PPFIA1: variants seen among roughly 807,000 people sequenced by gnomAD.
PPFIA1 encodes liprin-alpha-1.
A neutral mutation model predicts 149.9 loss-of-function variants in PPFIA1; 25 were observed. The ratio of observed to expected loss-of-function variants is 0.17; its 90% CI spans 0.12 to 0.23. The LOEUF (loss-of-function observed/expected upper bound fraction) is 0.23, where lower values mean the gene tolerates loss of function less well. Ranked by LOEUF, PPFIA1 falls within the 10% of genes least tolerant of loss-of-function variation. The pLI is 1.00. For synonymous variants in PPFIA1, 549 were observed against 552.8 expected, an observed-to-expected ratio of 0.99 and a Z score of 0.10; for missense variants, 1,362 against 1,506.5, an observed-to-expected ratio of 0.90 and a Z score of 1.59.
chr11:70,379,988 C>G (rs1474441387), intron 26 of PPFIA1, among the ~76,000 whole-genome samples: 9 of 152,360 alleles, frequency 5.9e-5, no homozygotes. Flanking sequence ...CAAGCTCTGT[C>G]ACCTGGAGTC....
intron 23 of PPFIA1, chr11:70,374,586 A>G: frequency 4.2e-6 from 1 of 239,748 alleles, no homozygotes; most frequent in Non-Finnish European, 8.0e-6. Context: ...GCATGTTTAT[A>G]CATGTTAGGT....
intron 5 of PPFIA1, 38 bp downstream of exon 5, chr11:70,325,612 G>T (rs773651780): frequency 1.4e-6 from 2 of 1,434,032 alleles, no homozygotes; most frequent in Non-Finnish European, 2.0e-6. Flanking sequence ...AATTGGGGGG[G>T]GGTTATTTTT....
chr11:70,378,277 C>T (rs188295654), intron 26 of PPFIA1, 82 bp downstream of exon 26: 195 of 1,505,998 alleles, frequency 1.3e-4, no homozygotes, highest in Non-Finnish European at 1.7e-4. Flanking sequence ...TGATCTAAAA[C>T]GGCCTATTTA....
intron 26 of PPFIA1, chr11:70,378,625 T>C (rs565957185): frequency 4.2e-4 from 111 of 262,992 alleles, no homozygotes; most frequent in Non-Finnish European, 6.3e-4. Context: ...ACACACAGTT[T>C]CCAGCTTGTG....
intron 2 of PPFIA1, among the ~76,000 whole-genome samples, chr11:70,278,640 A>G (rs767155148): frequency 6.6e-6 from 1 of 152,202 alleles, no homozygotes; most frequent in East Asian, 1.9e-4. Context: ...TCACAATTAA[A>G]ATCCAAACAG....
chr11:70,378,525 T>C, intron 26 of PPFIA1: 2 of 958,100 alleles, frequency 2.1e-6, no homozygotes, highest in Non-Finnish European at 2.5e-6. Context: ...TAGAAAGCTC[T>C]TTCAGGAAAT....
At chr11:70,363,603 T>C (rs1327422408) in intron 21 of PPFIA1, among the ~76,000 whole-genome samples, 1 of 152,122 alleles carries the variant, frequency 6.6e-6, no homozygotes, top group Admixed American at 6.5e-5. Context: ...AGCCTCAACC[T>C]CTTGGGCTCA....
At chr11:70,342,700 T>C (rs112996403) in intron 14 of PPFIA1, among the ~76,000 whole-genome samples, 144 of 152,314 alleles carry the variant, frequency 9.5e-4, no homozygotes, top group African/African-American at 3.2e-3. Context: ...TCAGTTGATA[T>C]GGATTTAAAT....
At chr11:70,282,012 G>A (rs756173464) in intron 2 of PPFIA1, among the ~76,000 whole-genome samples, 4 of 151,546 alleles carry the variant, frequency 2.6e-5, no homozygotes, top group Non-Finnish European at 4.4e-5. Flanking sequence ...CACTCACCTC[G>A]CTTAGGCTAC....
At chr11:70,315,027 C>T (rs1467659610) in intron 2 of PPFIA1, among the ~76,000 whole-genome samples, 1 of 152,156 alleles carries the variant, frequency 6.6e-6, no homozygotes, top group Non-Finnish European at 1.5e-5. Flanking sequence ...GTGAGACTCA[C>T]TCACTATCAC....
chr11:70,324,342 T>G (rs775480728), intron 2 of PPFIA1, 60 bp from the exon 3 acceptor site: 2 of 1,307,468 alleles, frequency 1.5e-6, no homozygotes, highest in Non-Finnish European at 2.2e-6. Context: ...GGAGCCTTGA[T>G]GAAAGGCTTT....
chr11:70,296,193 C>T (rs1333242187), intron 2 of PPFIA1, among the ~76,000 whole-genome samples: 2 of 151,618 alleles, frequency 1.3e-5, no homozygotes, highest in South Asian at 4.2e-4. Flanking sequence ...TCCTCACTTT[C>T]CAGACTCGGC....
At chr11:70,314,625 A>G (rs753319973) in intron 2 of PPFIA1, among the ~76,000 whole-genome samples, 1 of 152,210 alleles carries the variant, frequency 6.6e-6, no homozygotes, top group African/African-American at 2.4e-5. Flanking sequence ...TGAAAAATAC[A>G]TAAAAGCGTG....
At chr11:70,303,947 G>C (rs1051088904) in intron 2 of PPFIA1, among the ~76,000 whole-genome samples, 1 of 152,120 alleles carries the variant, frequency 6.6e-6, no homozygotes, top group Non-Finnish European at 1.5e-5. Context: ...CGGAGGTTGC[G>C]GTGAGCTGAG....
intron 2 of PPFIA1, among the ~76,000 whole-genome samples, chr11:70,283,588 A>G (rs1056783064): frequency 6.6e-6 from 1 of 152,136 alleles, no homozygotes; most frequent in Non-Finnish European, 1.5e-5. Context: ...AGGAGGCGAG[A>G]GGGTGCAAGA....
At chr11:70,295,951 C>A (rs1395918046) in intron 2 of PPFIA1, among the ~76,000 whole-genome samples, 1 of 151,582 alleles carries the variant, frequency 6.6e-6, no homozygotes, top group African/African-American at 2.4e-5. Context: ...CGGAGGGTCT[C>A]CTCCCTTCTC....
intron 9 of PPFIA1, 21 bp downstream of exon 9, chr11:70,332,115 C>G (rs762388882): frequency 1.9e-6 from 3 of 1,566,136 alleles, no homozygotes; most frequent in Non-Finnish European, 2.6e-6. Context: ...GAGCTTCATT[C>G]TGGTTCGGCT....
At chr11:70,318,016 G>T (rs1415959414) in intron 2 of PPFIA1, among the ~76,000 whole-genome samples, 1 of 151,934 alleles carries the variant, frequency 6.6e-6, no homozygotes, top group Non-Finnish European at 1.5e-5. Flanking sequence ...TACCCTCCCA[G>T]CCCTGCCAGC....
At position 70,293,031 on chromosome 11, in the gene PPFIA1, AG is replaced by A. The variant is rs150908093; in HGVS notation, c.264+20596del. On this transcript the variant is annotated intron_variant, in intron 2 of 27. Coordinates refer to ENST00000253925, the MANE Select transcript of PPFIA1 (RefSeq NM_003626.5). The stretch of plus-strand genomic sequence containing the variant: ...CTGCCTGGGATGGGAGCCTAGTCTG[AG>A]CAAGGTGCCTGCCCATGTGGCCTGC... 1.8e-3 allele frequency among the ~76,000 whole-genome samples: 270 copies of A among 152,346 alleles called. 2 individuals are homozygous for A. Among genetic ancestry groups the A allele is most frequent in the African/African-American group, 6.3e-3 (260 of 41,578 alleles).
Sources: allele counts gnomAD v4.1 joint callset (sites outside exome capture counted in the v4.1 genomes callset), GRCh38; gene constraint gnomAD v4.1.1; transcripts MANE v1.5; gene names NCBI Gene and HGNC (gene_info 2026-07-23, HGNC 2026-07-21).